ATP2B1: variants seen among roughly 807,000 people sequenced by gnomAD.
ATP2B1 encodes plasma membrane calcium-transporting ATPase 1.
Under a neutral mutation model 124.2 loss-of-function variants are expected in ATP2B1, and 14 were observed. The observed-to-expected ratio is 0.11, with a 90% confidence interval of 0.07 to 0.18. The LOEUF (loss-of-function observed/expected upper bound fraction) is 0.18, where lower values mean the gene tolerates loss of function less well. Among genes scored for constraint, ATP2B1 ranks in the 10% least tolerant of loss-of-function variants. The pLI is 1.00. For synonymous variants in ATP2B1, 449 were observed against 492.4 expected, an observed-to-expected ratio of 0.91 and a Z score of 1.17; for missense variants, 763 against 1,466.1, an observed-to-expected ratio of 0.52 and a Z score of 7.83.
intron 1 of ATP2B1, among the ~76,000 whole-genome samples, chr12:89,659,941 C>T (rs867422466): frequency 7.2e-6 from 1 of 138,814 alleles, no homozygotes; most frequent in African/African-American, 2.7e-5. Flanking sequence ...CAAAAAAAAA[C>T]AAAAAAGAAG....
At position 89,590,064 on chromosome 12, in the gene ATP2B1, G is replaced by A. The variant is rs1273926096; in HGVS notation, c.*920C>T. On this transcript the variant is annotated 3_prime_UTR_variant, in exon 21 of 21. Transcript: ENST00000428670. ...TAGTCTGATTTAATTTGATTTGCCTGAAATAACAAAAGCATTTCAAGCATC... is the reference window on the plus strand; with the variant it reads ...TAGTCTGATTTAATTTGATTTGCCTAAAATAACAAAAGCATTTCAAGCATC... 1.3e-5 allele frequency: 2 copies of A among 152,512 alleles called. No homozygotes were observed. Among genetic ancestry groups the A allele is most frequent in the Admixed American group, 6.6e-5 (1 of 15,252 alleles). The allele number at this position is 152,512 out of a possible 1,614,324, so 9.4% of individuals were successfully genotyped here.
chr12:89,642,381 G>C (rs747033471), intron 2 of ATP2B1, 26 bp from the exon 3 acceptor site: 9 of 1,576,018 alleles, frequency 5.7e-6, no homozygotes, highest in Admixed American at 1.7e-5. Flanking sequence ...AAATTTCAGT[G>C]AACAGTTTTA....
At position 89,588,210 on chromosome 12, in the gene ATP2B1, A is replaced by G. The variant is rs1240230930; in HGVS notation, c.*2774T>C. On this transcript the variant is annotated 3_prime_UTR_variant, in exon 21 of 21. Coordinates refer to ENST00000428670, the MANE Select transcript of ATP2B1 (RefSeq NM_001366521.1). ...TCAGTTGGCTTACACGTGTAAAAAG[A>G]AATTTTCAAAGAGCAATTTCACAGA... 6.6e-6 allele frequency: 1 copy of G among 152,628 alleles called. No individual in the cohort carries two copies. Among genetic ancestry groups the G allele is most frequent in the Non-Finnish European group, 1.5e-5 (1 of 68,018 alleles). The allele number at this position is 152,628 out of a possible 1,614,324, so 9.5% of individuals were successfully genotyped here.
chr12:89,692,845 T>C (rs1890700421), intron 1 of ATP2B1, among the ~76,000 whole-genome samples: 1 of 152,196 alleles, frequency 6.6e-6, no homozygotes, highest in Non-Finnish European at 1.5e-5. Flanking sequence ...TATCAGATAT[T>C]TGGTAATGTT....
At chr12:89,706,909 AT>A (rs1373017245) in intron 1 of ATP2B1, among the ~76,000 whole-genome samples, 10 of 152,352 alleles carry the variant, frequency 6.6e-5, no homozygotes, top group African/African-American at 2.2e-4. Flanking sequence ...TCCACCCTTA[AT>A]TACAGCAATT....
chr12:89,646,785 G>A (rs1214030587), intron 2 of ATP2B1, among the ~76,000 whole-genome samples: 1 of 152,144 alleles, frequency 6.6e-6, no homozygotes, highest in Non-Finnish European at 1.5e-5. Context: ...TGATCCAGTG[G>A]GCAGAAATAA....
chr12:89,598,065 C>CAAAAAAAAAAAAAAAAAAAAAAAA (rs1565797438), intron 20 of ATP2B1, among the ~76,000 whole-genome samples: 4 of 49,676 alleles, frequency 8.1e-5, no homozygotes, highest in African/African-American at 2.2e-4. Flanking sequence ...AAAAAAAAAT[C>CAAAAAAAAAAAAAAAAAAAAAAAA]AAAGCAAGGC....
chr12:89,704,787 G>C (rs904558321), intron 1 of ATP2B1, among the ~76,000 whole-genome samples: 13 of 151,978 alleles, frequency 8.6e-5, no homozygotes, highest in Non-Finnish European at 1.6e-4. Flanking sequence ...CACTATCTTT[G>C]GGCACCTGCT....
At chr12:89,612,152 A>C (rs1878131065) in intron 12 of ATP2B1, 1 of 152,108 alleles carries the variant, frequency 6.6e-6, no homozygotes, top group Non-Finnish European at 1.5e-5. Context: ...TCCTCCTTTA[A>C]AACATATGAT....
chr12:89,705,244 A>C (rs1218654550), intron 1 of ATP2B1, among the ~76,000 whole-genome samples: 3 of 152,100 alleles, frequency 2.0e-5, no homozygotes, highest in African/African-American at 7.2e-5. Flanking sequence ...TGGCAATGTC[A>C]CCTCAGATTC....
intron 1 of ATP2B1, among the ~76,000 whole-genome samples, chr12:89,660,989 A>C (rs1242847209): frequency 6.6e-6 from 1 of 152,186 alleles, no homozygotes; most frequent in Non-Finnish European, 1.5e-5. Context: ...TAGTATTTAC[A>C]AAGGGTCTTA....
chr12:89,671,421 G>A (rs1347628674), intron 1 of ATP2B1, among the ~76,000 whole-genome samples: 1 of 152,196 alleles, frequency 6.6e-6, no homozygotes, highest in Non-Finnish European at 1.5e-5. Context: ...TATCCTAACT[G>A]AGGGATTAAA....
intron 5 of ATP2B1, among the ~76,000 whole-genome samples, chr12:89,633,452 A>G (rs1383612492): frequency 2.0e-5 from 3 of 149,682 alleles, no homozygotes; most frequent in Non-Finnish European, 4.4e-5. Context: ...TAAGTGGCAC[A>G]GGATACTGAA....
At chr12:89,626,368 T>G in intron 8 of ATP2B1, 86 bp downstream of exon 8, 1 of 1,396,578 alleles carries the variant, frequency 7.2e-7, no homozygotes, top group Non-Finnish European at 9.6e-7. Flanking sequence ...AGCAACAATT[T>G]CCAGCCTTAA....
intron 6 of ATP2B1, 57 bp from the exon 7 acceptor site, chr12:89,627,773 A>G: frequency 6.5e-7 from 1 of 1,543,988 alleles, no homozygotes; most frequent in Non-Finnish European, 8.9e-7. Context: ...CAGCCATGCT[A>G]AATTATGCAG....
In ATP2B1 at chr12:89,642,227, T is replaced by A. The variant is rs1343306708; in HGVS notation, c.337A>T (p.Ile113Leu). 2 of 1,613,826 alleles carry A rather than the reference T, an allele frequency of 1.2e-6. No individual in the cohort carries two copies. Residue 113 changes from isoleucine to leucine, a missense_variant, in exon 3 of 21, where the codon ATA (isoleucine) becomes TTA (leucine). Physicochemically the swap from Ile to Leu is conservative, Grantham distance 5 (BLOSUM62 2). Around this residue, in one of 7 missense-constraint regions of ATP2B1, gnomAD observed 392 missense variants for 776.6 expected, o/e 0.50. Transcript: ENST00000428670. ...WEALQDVTLI[I>L]LEIAAIVSLG... ...GATACTATGGCTGCAATTTCTAATA[T>A]AATTAAAGTGACATCTTGTAATGCT... is the stretch of plus-strand genomic sequence containing the variant.
intron 12 of ATP2B1, chr12:89,612,162 T>C (rs1487547504): frequency 6.6e-6 from 1 of 152,180 alleles, no homozygotes; most frequent in East Asian, 1.9e-4. Context: ...AAACATATGA[T>C]ATACTTGATG....
intron 15 of ATP2B1, among the ~76,000 whole-genome samples, chr12:89,609,226 C>T (rs1177491788): frequency 6.6e-6 from 1 of 152,152 alleles, no homozygotes; most frequent in Non-Finnish European, 1.5e-5. Flanking sequence ...CTTAGCACCC[C>T]ATAAAAATCA....
intron 6 of ATP2B1, among the ~76,000 whole-genome samples, chr12:89,629,964 T>C (rs529441681): frequency 1.3e-4 from 20 of 152,316 alleles, no homozygotes; most frequent in African/African-American, 4.8e-4. Flanking sequence ...AGTTTTCTGA[T>C]AACAGAACAC....
Sources: gnomAD v4.1 joint callset for allele counts (sites outside exome capture counted in the v4.1 genomes callset) on GRCh38, gnomAD v4.1.1 for gene constraint, gnomAD v4.1.1 regional missense constraint, MANE v1.5 for transcripts, NCBI Gene and HGNC (gene_info 2026-07-23, HGNC 2026-07-21) for gene names.